BRWD1: variants seen among roughly 807,000 people sequenced by gnomAD.
The protein encoded by BRWD1 is bromodomain and WD repeat domain containing 1.
BRWD1 carries 82 observed loss-of-function variants against 251.2 expected under a neutral mutation model. The ratio of observed to expected loss-of-function variants is 0.33; its 90% CI spans 0.27 to 0.39. The LOEUF (loss-of-function observed/expected upper bound fraction) is 0.39, where lower values mean the gene tolerates loss of function less well. Ranked by LOEUF, BRWD1 falls within the 10% of genes least tolerant of loss-of-function variation. The pLI is 1.00. For synonymous variants in BRWD1, 918 were observed against 902.8 expected, an observed-to-expected ratio of 1.02 and a Z score of -0.30; for missense variants, 2,233 against 2,711.6, an observed-to-expected ratio of 0.82 and a Z score of 3.92.
At chr21:39,209,336 G>A (rs1441960046) in intron 36 of BRWD1, among the ~76,000 whole-genome samples, 1 of 151,392 alleles carries the variant, frequency 6.6e-6, no homozygotes, top group Non-Finnish European at 1.5e-5. Context: ...GCCAGCACCG[G>A]AGTCAGATTT....
chr21:39,311,650 AAACT>A (rs1473953768), intron 4 of BRWD1, among the ~76,000 whole-genome samples: 1 of 152,258 alleles, frequency 6.6e-6, no homozygotes, highest in Non-Finnish European at 1.5e-5. Flanking sequence ...TTACAAAAAT[AAACT>A]ATCTCAAAAT....
Position 39,196,839 on chromosome 21 carries a change from T to G in BRWD1, c.6230A>C (p.Gln2077Pro), listed in dbSNP as rs144838294. The G allele has an allele frequency of 1.5e-4, 243 of 1,613,680 alleles. 1 individual carries two copies. The highest frequency in any genetic ancestry group is 9.9e-4 in the Middle Eastern group (6 of 6,062). Residue 2077 changes from glutamine to proline, a missense_variant, in exon 41 of 41, where the codon CAA becomes CCA. Physicochemically the swap from Gln to Pro is moderately conservative, Grantham distance 76. This residue lies in a region of BRWD1 where 928 missense variants were observed against 970.0 expected (regional missense o/e 0.96). Transcript: ENST00000342449. ...RTFSSESTLAQKATAENNFEV... is the reference protein window; with the variant it reads ...RTFSSESTLAPKATAENNFEV... ...AAAATTATTCTCTGCAGTAGCTTTTTGTGCCAAGGTTGACTCTGAAGAAAA... is the reference window on the plus strand; with the variant it reads ...AAAATTATTCTCTGCAGTAGCTTTTGGTGCCAAGGTTGACTCTGAAGAAAA...
intron 19 of BRWD1, among the ~76,000 whole-genome samples, chr21:39,254,869 A>G (rs1349054914): frequency 6.6e-6 from 1 of 152,220 alleles, no homozygotes; most frequent in East Asian, 1.9e-4. Flanking sequence ...GCAGTCTTGC[A>G]AAAAACTGAA....
chr21:39,302,459 A>T (rs972271037), intron 4 of BRWD1, among the ~76,000 whole-genome samples: 1 of 152,164 alleles, frequency 6.6e-6, no homozygotes, highest in Non-Finnish European at 1.5e-5. Context: ...AACTTTTATA[A>T]TATGTGGTAA....
At chr21:39,300,071 G>GA (rs1388788883) in intron 4 of BRWD1, among the ~76,000 whole-genome samples, 2 of 152,062 alleles carry the variant, frequency 1.3e-5, no homozygotes, top group Non-Finnish European at 2.9e-5. Flanking sequence ...AAAAGAATAA[G>GA]AAAAAACCAC....
At position 39,189,313 on chromosome 21, in the gene BRWD1, A is replaced by G. The variant is rs2031421280; in HGVS notation, c.*6946T>C. 1.0e-6 allele frequency: 1 copy of G among 985,274 alleles called. No individual in the cohort carries two copies. The highest frequency in any genetic ancestry group is 1.2e-6 in the Non-Finnish European group (1 of 829,784). The allele number at this position is 985,274 out of a possible 1,614,324, so 61.0% of individuals were successfully genotyped here. A position where few individuals can be genotyped will look rare whatever the true frequency, so the allele number is the denominator to read the frequency against. On this transcript the variant is annotated 3_prime_UTR_variant, in exon 41 of 41. Transcript: ENST00000342449. The stretch of plus-strand genomic sequence containing the variant: ...CATCCAGACAAATAGATAAAATTCT[A>G]TTTCAACTACAATTTGTAACAAAAT...
At chr21:39,278,862 A>T in intron 9 of BRWD1, 49 bp from the exon 10 acceptor site, 1 of 1,346,408 alleles carries the variant, frequency 7.4e-7, no homozygotes, top group East Asian at 2.4e-5. Context: ...TTACCACATT[A>T]ACACAGCTTA....
At chr21:39,308,171 G>A (rs1275200767) in intron 4 of BRWD1, among the ~76,000 whole-genome samples, 2 of 149,910 alleles carry the variant, frequency 1.3e-5, no homozygotes, top group African/African-American at 4.8e-5. Context: ...CACCACACTT[G>A]GCTTCAATTC....
chr21:39,223,880 C>A (rs563140600), intron 29 of BRWD1, among the ~76,000 whole-genome samples: 1 of 152,130 alleles, frequency 6.6e-6, no homozygotes, highest in Non-Finnish European at 1.5e-5. Context: ...GATGGAGTCT[C>A]GCTGTCGCCT....
At position 39,199,517 on chromosome 21, in the gene BRWD1, A is replaced by G. The variant is rs1244061482; in HGVS notation, c.4899T>C (p.Ala1633=). 1.2e-6 allele frequency: 2 copies of G among 1,614,072 alleles called. No homozygotes were observed. Among genetic ancestry groups the G allele is most frequent in the Non-Finnish European group, 1.7e-6 (2 of 1,180,046 alleles). ...GNNRKVLRKC[A]AVAANKIKLM... is the part of the protein sequence containing the mutation. The stretch of plus-strand genomic sequence containing the variant: ...GCTTTATTTTATTGGCAGCCACAGC[A>G]GCACACTTCCTTAAGACTTTTCGGT... The change falls in exon 40 of 41, where the codon GCT becomes GCC. Residue 1633 remains alanine (A), a synonymous_variant. Transcript: ENST00000342449.
At chr21:39,277,389 T>A in intron 10 of BRWD1, 38 bp from the exon 11 acceptor site, 1 of 1,291,138 alleles carries the variant, frequency 7.7e-7, no homozygotes, top group Non-Finnish European at 1.1e-6. Flanking sequence ...ATCCAGTTTA[T>A]AACAAATACC....
chr21:39,277,453 A>G (rs1391175664), intron 10 of BRWD1, 102 bp from the exon 11 acceptor site: 7 of 714,720 alleles, frequency 9.8e-6, no homozygotes, highest in Non-Finnish European at 1.4e-5. Flanking sequence ...CATTTACCCT[A>G]AAACTAAGTT....
At chr21:39,263,229 T>C (rs1485771698) in intron 17 of BRWD1, among the ~76,000 whole-genome samples, 4 of 152,236 alleles carry the variant, frequency 2.6e-5, no homozygotes, top group African/African-American at 9.6e-5. Context: ...TAATCTACAT[T>C]AGGTTTTTAC....
At chr21:39,262,986 C>G (rs954941644) in intron 17 of BRWD1, among the ~76,000 whole-genome samples, 5 of 151,928 alleles carry the variant, frequency 3.3e-5, no homozygotes, top group African/African-American at 1.2e-4. Context: ...TGTGTTAGCA[C>G]ACGCCTACAG....
chr21:39,314,441 G>T, upstream of BRWD1: 1 of 420,368 alleles, frequency 2.4e-6, no homozygotes, highest in South Asian at 1.7e-5. Flanking sequence ...GGACTGTGGG[G>T]AGAGGGTGGT....
chr21:39,303,141 A>G (rs2036173413), intron 4 of BRWD1, among the ~76,000 whole-genome samples: 1 of 152,214 alleles, frequency 6.6e-6, no homozygotes, highest in Non-Finnish European at 1.5e-5. Flanking sequence ...TAAAGGAACT[A>G]ATGTAAAGTA....
At chr21:39,314,098 C>T (rs973888791), upstream of BRWD1, 14 of 455,904 alleles carry the variant, frequency 3.1e-5, no homozygotes, top group African/African-American at 1.2e-4. Flanking sequence ...ACGGACCGGT[C>T]GTCTGGGGCC....
chr21:39,257,253 T>A (rs755743386), intron 18 of BRWD1, among the ~76,000 whole-genome samples: 2 of 151,900 alleles, frequency 1.3e-5, no homozygotes, highest in Non-Finnish European at 1.5e-5. Context: ...CTGATACGAT[T>A]TCTAGAATAT....
At chr21:39,210,258 AG>A in intron 35 of BRWD1, 111 bp from the exon 36 acceptor site, 3 of 722,636 alleles carry the variant, frequency 4.2e-6, no homozygotes, top group Non-Finnish European at 6.4e-6. Context: ...AAAAGGTTAG[AG>A]GACTCTTAAA....
Sources: gnomAD v4.1 joint callset for allele counts (sites outside exome capture counted in the v4.1 genomes callset) on GRCh38, gnomAD v4.1.1 for gene constraint, gnomAD v4.1.1 regional missense constraint, MANE v1.5 for transcripts, NCBI Gene and HGNC (gene_info 2026-07-23, HGNC 2026-07-21) for gene names.